Variants in TMEM132D observed in about 807,000 individuals in gnomAD.
TMEM132D encodes transmembrane protein 132D.
TMEM132D carries 21 observed loss-of-function variants against 62.3 expected under a neutral mutation model. The observed-to-expected ratio is 0.34, with a 90% CI of 0.24 to 0.49. TMEM132D has a LOEUF of 0.49. TMEM132D is among the 20% of genes least tolerant of loss of function. The pLI is 0.99. For missense variants in TMEM132D, 1,346 were observed against 1,402.8 expected (o/e 0.96, Z 0.65); for synonymous variants, 621 against 575.6 (o/e 1.08, Z -1.13).
chr12:129,299,467 TTTTCA>T (rs1881656690), intron 4 of TMEM132D, among the ~76,000 whole-genome samples: 1 of 151,748 alleles, frequency 6.6e-6, no homozygotes, highest in South Asian at 2.1e-4. Flanking sequence ...TTTCAACTGT[TTTTCA>T]TTTAATTGAT....
chr12:129,175,055 C>T (rs1877864644), intron 5 of TMEM132D, among the ~76,000 whole-genome samples: 1 of 152,182 alleles, frequency 6.6e-6, no homozygotes. Flanking sequence ...GTTTCTTTTG[C>T]TGTGCAGAAG....
At chr12:129,329,738 C>T (rs1051973696) in intron 4 of TMEM132D, among the ~76,000 whole-genome samples, 8 of 152,094 alleles carry the variant, frequency 5.3e-5, no homozygotes, top group Non-Finnish European at 1.0e-4. Flanking sequence ...ATGGGCTGGT[C>T]CTGTGCTTTC....
chr12:129,309,070 G>A (rs891400643), intron 4 of TMEM132D, among the ~76,000 whole-genome samples: 10 of 152,178 alleles, frequency 6.6e-5, no homozygotes, highest in Non-Finnish European at 1.5e-5. Context: ...CATGTAAAGA[G>A]AACTCTACCC....
Position 129,583,868 on chromosome 12 carries a change from G to A in TMEM132D, c.969-52663C>T, listed in dbSNP as rs145211132. ...TTAATTATTTATTTCCTGATTCAAC[G>A]GACCAAAGGGAAAAAAGGTAGTTTG... On this transcript the variant is annotated intron_variant, in intron 2 of 8. Coordinates refer to ENST00000422113, the MANE Select transcript of TMEM132D (RefSeq NM_133448.3). Among the ~76,000 whole-genome samples the A allele has an allele frequency of 2.6e-3, 390 of 152,192 alleles. 1 individual carries two copies. The highest frequency in any genetic ancestry group is 8.5e-3 in the African/African-American group (353 of 41,520).
intron 1 of TMEM132D, among the ~76,000 whole-genome samples, chr12:129,845,209 T>C: frequency 6.6e-6 from 1 of 152,194 alleles, no homozygotes; most frequent in Non-Finnish European, 1.5e-5. Flanking sequence ...ACCAAGTAAA[T>C]CTGTTTTGTG....
intron 3 of TMEM132D, among the ~76,000 whole-genome samples, chr12:129,384,053 A>C (rs532066403): frequency 6.6e-6 from 1 of 152,238 alleles, no homozygotes; most frequent in Non-Finnish European, 1.5e-5. Context: ...CCGAAAATAC[A>C]TAACACATCG....
At chr12:129,542,233 G>T (rs1165602768) in intron 2 of TMEM132D, among the ~76,000 whole-genome samples, 2 of 152,132 alleles carry the variant, frequency 1.3e-5, no homozygotes, top group Non-Finnish European at 2.9e-5. Context: ...AGTTTTCAGG[G>T]TTTAGGATAA....
intron 3 of TMEM132D, among the ~76,000 whole-genome samples, chr12:129,511,565 A>G (rs1875496979): frequency 6.6e-6 from 1 of 152,180 alleles, no homozygotes; most frequent in Admixed American, 6.5e-5. Flanking sequence ...GATAGTTTAA[A>G]TTTGTATTTC....
chr12:129,457,751 G>A (rs1462663374), intron 3 of TMEM132D, among the ~76,000 whole-genome samples: 1 of 152,026 alleles, frequency 6.6e-6, no homozygotes, highest in Non-Finnish European at 1.5e-5. Flanking sequence ...AGAGAGTGAA[G>A]AGGGAGGTGC....
At chr12:129,634,312 TAAA>T (rs11310650) in intron 2 of TMEM132D, among the ~76,000 whole-genome samples, 1 of 147,932 alleles carries the variant, frequency 6.8e-6, no homozygotes, top group African/African-American at 2.5e-5. Context: ...GTCTATACGT[TAAA>T]AAAAAAAAAT....
At chr12:129,082,111 G>C (rs1874473358) in intron 6 of TMEM132D, 79 bp from the exon 7 acceptor site, 3 of 1,507,686 alleles carry the variant, frequency 2.0e-6, no homozygotes, top group Non-Finnish European at 2.7e-6. Flanking sequence ...CCTGGTGGGG[G>C]CTGCAGAGGT....
Position 129,610,559 on chromosome 12 carries a change from G to A in TMEM132D, c.969-79354C>T, listed in dbSNP as rs532613530. On this transcript the variant is annotated intron_variant, in intron 2 of 8. Transcript: ENST00000422113. The stretch of plus-strand genomic sequence containing the variant: ...TTTTCTAGAAGTCTGGCTCATTCTC[G>A]TGGGGTTGGGTTTCTGTTGAAGGTA... Among the ~76,000 whole-genome samples, 9 of 152,000 alleles carry A rather than the reference G, an allele frequency of 5.9e-5. No individual in the cohort carries two copies. The East Asian group carries it at 1.5e-3, about 26-fold the overall frequency.
At chr12:129,321,781 G>T (rs533543880) in intron 4 of TMEM132D, among the ~76,000 whole-genome samples, 49 of 152,206 alleles carry the variant, frequency 3.2e-4, no homozygotes, top group African/African-American at 1.1e-3. Context: ...GGGTGGTCTC[G>T]ATCTCCTGAC....
chr12:129,308,585 G>T (rs1223305183), intron 4 of TMEM132D, among the ~76,000 whole-genome samples: 1 of 152,124 alleles, frequency 6.6e-6, no homozygotes, highest in African/African-American at 2.4e-5. Context: ...ATGACCCATT[G>T]CCTTGTTTAG....
At chr12:129,762,090 G>A (rs1297171518) in intron 1 of TMEM132D, among the ~76,000 whole-genome samples, 1 of 152,096 alleles carries the variant, frequency 6.6e-6, no homozygotes, top group Non-Finnish European at 1.5e-5. Flanking sequence ...AGGGAACCTG[G>A]GGCTCCAACT....
rs1021953732 is a variant in TMEM132D at position 129,584,356 on chromosome 12, T to C, written c.969-53151A>G. Among the ~76,000 whole-genome samples the C allele has an allele frequency of 2.0e-5, 3 of 152,368 alleles. No individual in the cohort carries two copies. In the East Asian group the frequency reaches 5.8e-4, roughly 29 times the overall value. On this transcript the variant is annotated intron_variant, in intron 2 of 8. Coordinates refer to ENST00000422113, the MANE Select transcript of TMEM132D (RefSeq NM_133448.3). ...CCTAGTGATTGATACAGATTGTTCA[T>C]ACTGCTTCTTGCTTAAAAGAATAGC...
chr12:129,481,087 C>G (rs541808239), intron 3 of TMEM132D, among the ~76,000 whole-genome samples: 1 of 152,050 alleles, frequency 6.6e-6, no homozygotes, highest in South Asian at 2.1e-4. Context: ...AAGGAGGAAA[C>G]AGAACAAGGT....
chr12:129,373,500 C>T (rs1033503965), intron 3 of TMEM132D, among the ~76,000 whole-genome samples: 2 of 152,000 alleles, frequency 1.3e-5, no homozygotes, highest in Admixed American at 6.5e-5. Flanking sequence ...GGCTCGGTGG[C>T]GGGCGCCTGT....
Position 129,137,310 on chromosome 12 carries a change from CCATCAT to C in TMEM132D, c.1444-52614_1444-52609del, listed in dbSNP as rs1219878566. ...ATCATCACTATCACTATCACCATCA[CCATCAT>C]CATCATCATGTGCTATGCAAATTAC... On this transcript the variant is annotated intron_variant, in intron 5 of 8. Coordinates refer to ENST00000422113, the MANE Select transcript of TMEM132D (RefSeq NM_133448.3). Among the ~76,000 whole-genome samples, 9 of 152,136 alleles carry C rather than the reference CCATCAT, an allele frequency of 5.9e-5. 2 individuals carry two copies. The South Asian group carries it at 1.0e-3, about 18-fold the overall frequency.
Sources: gnomAD v4.1 joint callset for allele counts (sites outside exome capture counted in the v4.1 genomes callset) on GRCh38, gnomAD v4.1.1 for gene constraint, MANE v1.5 for transcripts, NCBI Gene and HGNC (gene_info 2026-07-23, HGNC 2026-07-21) for gene names.